The following TAFA4 variants were observed in gnomAD, a reference collection of about 807,000 sequenced individuals.
TAFA4 encodes the protein chemokine-like protein TAFA-4.
Under a neutral mutation model 21.1 loss-of-function variants are expected in TAFA4, and 20 were observed. The observed-to-expected ratio is 0.95, with a 90% CI of 0.67 to 1.38. TAFA4 has a LOEUF of 1.38. Ranked by LOEUF, TAFA4 falls within the 40% of genes most tolerant of loss-of-function variation. TAFA4 has a pLI of 0.00. For missense variants in TAFA4, 211 were observed against 180.9 expected, an observed-to-expected ratio of 1.17 and a Z score of -0.95; for synonymous variants, 71 against 67.4, an observed-to-expected ratio of 1.05 and a Z score of -0.26.
intron 3 of TAFA4, among the ~76,000 whole-genome samples, chr3:68,810,269 T>A (rs1420187369): frequency 1.3e-5 from 2 of 152,174 alleles, no homozygotes; most frequent in Non-Finnish European, 2.9e-5. Flanking sequence ...GGGTGATTTC[T>A]GCATTTCCAA....
chr3:68,898,307 C>A lies in TAFA4; in HGVS notation c.-122-12997G>T, dbSNP rs1024767347. Reference sequence around the variant, plus strand: ...AAGGCATATCTGATTGTTTTGCCCTCGTGTTTAAGTCAAGAGAAGAGAATC... The same window carrying A: ...AAGGCATATCTGATTGTTTTGCCCTAGTGTTTAAGTCAAGAGAAGAGAATC... On this transcript the variant is annotated intron_variant, in intron 1 of 5. Transcript: ENST00000295569. Among the ~76,000 whole-genome samples the A allele has an allele frequency of 2.0e-5, 3 of 152,132 alleles. 1 individual carries two copies. In the South Asian group the frequency reaches 6.2e-4, roughly 32 times the overall value.
intron 3 of TAFA4, among the ~76,000 whole-genome samples, chr3:68,837,983 A>G (rs1455547150): frequency 6.6e-6 from 1 of 152,266 alleles, no homozygotes; most frequent in East Asian, 1.9e-4. Context: ...TAATTAACAT[A>G]TGCATTGCCT....
chr3:68,903,354 T>C (rs1270171774), intron 1 of TAFA4, among the ~76,000 whole-genome samples: 1 of 152,220 alleles, frequency 6.6e-6, no homozygotes, highest in African/African-American at 2.4e-5. Context: ...AATTCATCTG[T>C]TCCTTCAATT....
intron 3 of TAFA4, among the ~76,000 whole-genome samples, chr3:68,760,075 A>T (rs1702732845): frequency 6.6e-6 from 1 of 152,168 alleles, no homozygotes; most frequent in Non-Finnish European, 1.5e-5. Flanking sequence ...TGTTCAAAAA[A>T]GAAGACTTAA....
At chr3:68,929,906 T>C (rs2090143796) in intron 1 of TAFA4, among the ~76,000 whole-genome samples, 1 of 152,230 alleles carries the variant, frequency 6.6e-6, no homozygotes. Flanking sequence ...ATGACTTTTG[T>C]CAATGCATGT....
intron 1 of TAFA4, among the ~76,000 whole-genome samples, chr3:68,914,447 C>T (rs1374332784): frequency 6.6e-6 from 1 of 152,110 alleles, no homozygotes; most frequent in Admixed American, 6.5e-5. Flanking sequence ...AAGATTTGGA[C>T]ACTTTATTGT....
At chr3:68,880,037 G>A (rs1349047204) in intron 3 of TAFA4, among the ~76,000 whole-genome samples, 2 of 145,650 alleles carry the variant, frequency 1.4e-5, no homozygotes, top group African/African-American at 5.1e-5. Flanking sequence ...AAATGTTGAT[G>A]TAAGAAAGAA....
chr3:68,831,348 T>C (rs1006743985), intron 3 of TAFA4, among the ~76,000 whole-genome samples: 2 of 152,208 alleles, frequency 1.3e-5, no homozygotes, highest in African/African-American at 4.8e-5. Flanking sequence ...CCATGTTTAG[T>C]GCTTCCTTCA....
At chr3:68,892,262 A>C (rs1287374369) in intron 1 of TAFA4, among the ~76,000 whole-genome samples, 1 of 152,200 alleles carries the variant, frequency 6.6e-6, no homozygotes, top group Non-Finnish European at 1.5e-5. Flanking sequence ...TCAGTGAAGA[A>C]TTTACTACTG....
At chr3:68,916,755 C>T (rs1333456986) in intron 1 of TAFA4, among the ~76,000 whole-genome samples, 1 of 152,166 alleles carries the variant, frequency 6.6e-6, no homozygotes, top group East Asian at 1.9e-4. Context: ...TTCCCTTCTG[C>T]CTCTTATCCT....
At chr3:68,779,524 C>T (rs1248656288) in intron 3 of TAFA4, among the ~76,000 whole-genome samples, 1 of 152,152 alleles carries the variant, frequency 6.6e-6, no homozygotes, top group Non-Finnish European at 1.5e-5. Context: ...CATCTAGGGA[C>T]TTAGTGCCCT....
At chr3:68,863,846 AC>A (rs1231559180) in intron 3 of TAFA4, among the ~76,000 whole-genome samples, 2 of 152,172 alleles carry the variant, frequency 1.3e-5, no homozygotes, top group Non-Finnish European at 2.9e-5. Flanking sequence ...TAAATCTATT[AC>A]TTTCAAGTAT....
At chr3:68,751,246 T>C (rs541011623) in intron 4 of TAFA4, among the ~76,000 whole-genome samples, 15 of 152,312 alleles carry the variant, frequency 9.8e-5, no homozygotes, top group South Asian at 8.3e-4. Flanking sequence ...TCCTGGAGTT[T>C]ATCTTAAAGA....
intron 5 of TAFA4, among the ~76,000 whole-genome samples, chr3:68,737,868 CAA>C (rs1260661928): frequency 1.3e-5 from 2 of 152,072 alleles, no homozygotes; most frequent in Non-Finnish European, 2.9e-5. Context: ...CAATGAGAAC[CAA>C]AGACTCACTC....
intron 3 of TAFA4, among the ~76,000 whole-genome samples, chr3:68,826,089 A>C (rs76490086): frequency 0.016 from 2,460 of 152,288 alleles, 59 homozygotes; most frequent in African/African-American, 0.057. Context: ...TAAAAATTAA[A>C]AAGCACAGAG....
intron 3 of TAFA4, among the ~76,000 whole-genome samples, chr3:68,877,892 C>A (rs2089570554): frequency 6.6e-6 from 1 of 152,140 alleles, no homozygotes; most frequent in Non-Finnish European, 1.5e-5. Context: ...ATGTGCTAAT[C>A]CCTTCACCTA....
At position 68,825,381 on chromosome 3, in the gene TAFA4, G is replaced by A. The variant is rs546188909; in HGVS notation, c.130+55349C>T. 2.0e-4 allele frequency among the ~76,000 whole-genome samples: 31 copies of A among 152,178 alleles called. 1 individual carries two copies. The highest frequency in any genetic ancestry group is 6.0e-4 in the African/African-American group (25 of 41,528). On this transcript the variant is annotated intron_variant, in intron 3 of 5. Transcript: ENST00000295569. ...TTCTTTATCCAGTCTATCATTGATG[G>A]GCATTTGGGTTGACTCCAATCTCAT...
At chr3:68,925,518 ACTTAAAAT>A (rs1391810579) in intron 1 of TAFA4, among the ~76,000 whole-genome samples, 4 of 152,228 alleles carry the variant, frequency 2.6e-5, no homozygotes, top group African/African-American at 9.7e-5. Context: ...CTTTCAGACT[ACTTAAAAT>A]CTTAAACTAG....
chr3:68,739,644 G>A (rs1015195769), intron 4 of TAFA4, among the ~76,000 whole-genome samples: 11 of 152,258 alleles, frequency 7.2e-5, no homozygotes, highest in East Asian at 1.9e-4. Flanking sequence ...AATGGAGGAC[G>A]GGATAAAGAA....
Sources: allele counts gnomAD v4.1 joint callset (sites outside exome capture counted in the v4.1 genomes callset), GRCh38; gene constraint gnomAD v4.1.1; transcripts MANE v1.5; gene names NCBI Gene and HGNC (gene_info 2026-07-23, HGNC 2026-07-21).